The following CHN2 variants were observed in gnomAD, a reference collection of about 807,000 sequenced individuals.
CHN2 encodes beta-chimaerin.
A neutral mutation model predicts 56.3 loss-of-function variants in CHN2; 35 were observed. The ratio of observed to expected loss-of-function variants is 0.62; its 90% CI spans 0.47 to 0.82. The LOEUF is 0.82. Ranked by LOEUF, CHN2 falls within the 40% of genes least tolerant of loss-of-function variation. The pLI is 0.00. For missense variants in CHN2, 491 were observed against 580.5 expected (o/e 0.85, Z 1.58); for synonymous variants, 210 against 212.8 (o/e 0.99, Z 0.12).
rs1562682497 is a variant in CHN2, at chr7:29,512,192, C to CCTTCTGTATAAGGCAAAAAAAAAA, written c.1236-372_1236-371insCTTCTGTATAAGGCAAAAAAAAAA. Among the ~76,000 whole-genome samples the CCTTCTGTATAAGGCAAAAAAAAAA allele has an allele frequency of 3.2e-3, 466 of 144,554 alleles. 4 individuals are homozygous for CCTTCTGTATAAGGCAAAAAAAAAA. The highest frequency in any genetic ancestry group is 0.011 in the African/African-American group (451 of 40,168). 94.8% of individuals were successfully genotyped at this position (144,554 alleles called of 152,430 possible). On this transcript the variant is annotated intron_variant, in intron 12 of 12. Coordinates refer to ENST00000222792, the MANE Select transcript of CHN2 (RefSeq NM_004067.4). The stretch of plus-strand genomic sequence containing the variant: ...GAAGCCACAAGAGGGAAAAAAAAAA[C>CCTTCTGTATAAGGCAAAAAAAAAA]GCCTTCTGTATAAGGCCTATGAAAG...
intron 3 of CHN2, among the ~76,000 whole-genome samples, chr7:29,382,395 G>T (rs1025753465): frequency 6.6e-6 from 1 of 152,218 alleles, no homozygotes; most frequent in Admixed American, 6.5e-5. Flanking sequence ...TCAGAAAGCA[G>T]ACAGGGGAAC....
At chr7:29,499,837 G>C in intron 8 of CHN2, 30 bp from the exon 9 acceptor site, 1 of 1,529,424 alleles carries the variant, frequency 6.5e-7, no homozygotes. Flanking sequence ...AAAGGGCTGG[G>C]CTAGGCTAAT....
chr7:29,329,376 CAAAAAAAAAA>C (rs10667833), intron 1 of CHN2, among the ~76,000 whole-genome samples: 31 of 37,248 alleles, frequency 8.3e-4, no homozygotes, highest in Admixed American at 2.8e-3. Flanking sequence ...TCAGATAAGG[CAAAAAAAAAA>C]AAAAAAAAAA....
At chr7:29,330,532 T>C (rs567385749) in intron 1 of CHN2, among the ~76,000 whole-genome samples, 5 of 152,354 alleles carry the variant, frequency 3.3e-5, no homozygotes, top group South Asian at 2.1e-4. Flanking sequence ...AAAGTAAATT[T>C]GGCCTCTGAT....
intron 1 of CHN2, chr7:29,213,096 C>G: frequency 1.2e-6 from 2 of 1,602,506 alleles, no homozygotes; most frequent in Non-Finnish European, 1.7e-6. Flanking sequence ...TGGAGGCTGC[C>G]TTGGAAGCTG....
At chr7:29,154,324 A>T (rs245897) in intron 2 of CHN2, among the ~76,000 whole-genome samples, 1 of 151,982 alleles carries the variant, frequency 6.6e-6, no homozygotes, top group Non-Finnish European at 1.5e-5. Context: ...ATTCGTATGC[A>T]GTGAATCAGC....
intron 3 of CHN2, among the ~76,000 whole-genome samples, chr7:29,371,515 A>C (rs557521462): frequency 6.6e-6 from 1 of 152,270 alleles, no homozygotes; most frequent in East Asian, 1.9e-4. Flanking sequence ...TTTTCCATCA[A>C]CTATCAGTCA....
intron 1 of CHN2, among the ~76,000 whole-genome samples, chr7:29,221,705 T>G (rs1434756624): frequency 2.0e-5 from 3 of 152,188 alleles, no homozygotes; most frequent in Non-Finnish European, 4.4e-5. Flanking sequence ...AGTGAGAACA[T>G]GGGATGTTTG....
chr7:29,502,504 C>G (rs1790076007), intron 9 of CHN2, among the ~76,000 whole-genome samples: 1 of 152,102 alleles, frequency 6.6e-6, no homozygotes, highest in African/African-American at 2.4e-5. Flanking sequence ...ATCAAAGGTT[C>G]CATTACAACA....
intron 1 of CHN2, among the ~76,000 whole-genome samples, chr7:29,330,486 A>G (rs1796133592): frequency 6.6e-6 from 1 of 152,242 alleles, no homozygotes; most frequent in Non-Finnish European, 1.5e-5. Flanking sequence ...TTAATGAAGA[A>G]TTCATGAAGG....
At chr7:29,267,324 C>A (rs1353014476) in intron 1 of CHN2, among the ~76,000 whole-genome samples, 3 of 151,778 alleles carry the variant, frequency 2.0e-5, no homozygotes, top group African/African-American at 7.3e-5. Context: ...CTCACTGCAA[C>A]CTCTGCCTCC....
intron 5 of CHN2, 92 bp downstream of exon 5, chr7:29,398,578 A>C (rs1271381775): frequency 1.3e-5 from 10 of 781,888 alleles, no homozygotes; most frequent in African/African-American, 8.7e-5. Context: ...AGTATACATA[A>C]CACAAAATTC....
At chr7:29,357,863 G>T (rs1798423153) in intron 2 of CHN2, among the ~76,000 whole-genome samples, 1 of 152,144 alleles carries the variant, frequency 6.6e-6, no homozygotes, top group African/African-American at 2.4e-5. Context: ...TAAACTGTTG[G>T]TAAACCCGTT....
intron 2 of CHN2, among the ~76,000 whole-genome samples, chr7:29,178,330 C>A (rs957406287): frequency 2.0e-5 from 3 of 152,112 alleles, no homozygotes; most frequent in Admixed American, 6.5e-5. Flanking sequence ...CCACTATGAC[C>A]CACGTGGCTG....
Position 29,174,267 on chromosome 7 carries a change from C to G in CHN2, c.274+27307C>G, listed in dbSNP as rs186267651. Among the ~76,000 whole-genome samples the G allele has an allele frequency of 2.3e-3, 347 of 152,302 alleles. 1 individual carries two copies. The highest frequency in any genetic ancestry group is 0.01 in the Middle Eastern group (3 of 294). ...GCCCTTGAGAAGCAAAGCCCTCTGC[C>G]TCTGGAGGGGGGCCAGCAATCCCGT... On this transcript the variant is annotated intron_variant, in intron 2 of 6. Coordinates refer to the CHN2 transcript ENST00000439384.
intron 6 of CHN2, among the ~76,000 whole-genome samples, chr7:29,415,506 A>ACAAAAACAAAAC (rs1320015587): frequency 2.0e-5 from 3 of 152,194 alleles, no homozygotes; most frequent in Non-Finnish European, 2.9e-5. Context: ...AAAAACAAAA[A>ACAAAAACAAAAC]CAAAAACAAA....
rs140828770 is a variant in CHN2 at position 29,328,486 on chromosome 7, G to A, written c.50-26139G>A. Among the ~76,000 whole-genome samples, 40 of 152,156 alleles carry A rather than the reference G, an allele frequency of 2.6e-4. No individual in the cohort carries two copies. In the East Asian group the frequency reaches 5.8e-3, roughly 22 times the overall value. On this transcript the variant is annotated intron_variant, in intron 1 of 12. Transcript: ENST00000222792. ...TGTGGATAGATAATCAGAGAAACGT[G>A]TATAAAAGAGGCTTTTATACCAACA...
chr7:29,386,634 T>C (rs544592250), intron 3 of CHN2, among the ~76,000 whole-genome samples: 1 of 152,316 alleles, frequency 6.6e-6, no homozygotes, highest in South Asian at 2.1e-4. Context: ...ATGCTTTCTG[T>C]CTCTCACTGT....
intron 1 of CHN2, among the ~76,000 whole-genome samples, chr7:29,340,405 G>C (rs936550440): frequency 6.6e-6 from 1 of 151,744 alleles, no homozygotes; most frequent in Non-Finnish European, 1.5e-5. Flanking sequence ...TGCTTGGGGG[G>C]GGGCCTCAAT....
Sources: allele counts gnomAD v4.1 joint callset (sites outside exome capture counted in the v4.1 genomes callset), GRCh38; gene constraint gnomAD v4.1.1; transcripts MANE v1.5; gene names NCBI Gene and HGNC (gene_info 2026-07-23, HGNC 2026-07-21).